DTL: variants seen among roughly 807,000 people sequenced by gnomAD.
DTL encodes the protein denticleless E3 ubiquitin protein ligase adapter.
Under a neutral mutation model 87.0 loss-of-function variants are expected in DTL, and 46 were observed. The observed-to-expected ratio is 0.53, with a 90% CI of 0.42 to 0.68. The LOEUF (loss-of-function observed/expected upper bound fraction) is 0.68. Among genes scored for constraint, DTL ranks in the 30% least tolerant of loss-of-function variants. The pLI is 0.00. For missense variants in DTL, 737 were observed against 869.4 expected (o/e 0.85, Z 1.91); for synonymous variants, 308 against 311.2 (o/e 0.99, Z 0.11).
intron 5 of DTL, among the ~76,000 whole-genome samples, chr1:212,047,910 T>C (rs984735627): frequency 6.6e-6 from 1 of 152,218 alleles, no homozygotes. Flanking sequence ...TTCTGGACAT[T>C]ATCTCTAGCT....
intron 8 of DTL, 33 bp from the exon 9 acceptor site, chr1:212,068,191 G>T (rs1654564478): frequency 1.4e-6 from 2 of 1,453,614 alleles, no homozygotes; most frequent in African/African-American, 1.4e-5. Context: ...TTGGAAGAAG[G>T]TCTACAAAAT....
intron 3 of DTL, among the ~76,000 whole-genome samples, chr1:212,046,341 G>A (rs1298254860): frequency 2.0e-5 from 3 of 151,998 alleles, no homozygotes; most frequent in Non-Finnish European, 2.9e-5. Flanking sequence ...GGTTTGTTAC[G>A]TAGGTAAACA....
At chr1:212,054,925 C>G (rs1668120835) in intron 5 of DTL, among the ~76,000 whole-genome samples, 2 of 151,920 alleles carry the variant, frequency 1.3e-5, no homozygotes, top group South Asian at 4.2e-4. Context: ...GAGTGACATT[C>G]TGTACAACCA....
intron 10 of DTL, among the ~76,000 whole-genome samples, chr1:212,070,349 G>A (rs1558081961): frequency 6.6e-6 from 1 of 152,160 alleles, no homozygotes; most frequent in Non-Finnish European, 1.5e-5. Flanking sequence ...GCTGGCCATG[G>A]TGGCTCACAC....
intron 1 of DTL, among the ~76,000 whole-genome samples, chr1:212,042,395 A>C (rs947486531): frequency 4.6e-5 from 7 of 152,220 alleles, no homozygotes; most frequent in African/African-American, 1.7e-4. Flanking sequence ...AGGGCTAATT[A>C]AATGTTTTCT....
In DTL at chr1:212,072,084, T is replaced by C; in HGVS notation, c.923-17T>C. On this transcript the variant is annotated splice_polypyrimidine_tract_variant and intron_variant, in intron 10 of 14. Coordinates refer to ENST00000366991, the MANE Select transcript of DTL (RefSeq NM_016448.4). Reference sequence around the variant, plus strand: ...AAATAACAAGAGCCAAGTAATTTGGTTTTTTTCCTCTGGCAGTGGCTATTT... The same window carrying C: ...AAATAACAAGAGCCAAGTAATTTGGCTTTTTTCCTCTGGCAGTGGCTATTT... 1 of 1,602,990 alleles carries C rather than the reference T, an allele frequency of 6.2e-7. No homozygotes were observed. Among genetic ancestry groups the C allele is most frequent in the South Asian group, 1.1e-5 (1 of 90,778 alleles).
intron 6 of DTL, among the ~76,000 whole-genome samples, chr1:212,064,054 A>G (rs1360323756): frequency 1.3e-5 from 2 of 151,724 alleles, no homozygotes; most frequent in Non-Finnish European, 2.9e-5. Context: ...CACCACTCCC[A>G]GCTAGTTATG....
intron 2 of DTL, 110 bp downstream of exon 2, chr1:212,043,228 T>C (rs1000175893): frequency 4.6e-5 from 53 of 1,152,838 alleles, no homozygotes; most frequent in South Asian, 1.3e-4. Context: ...ATTAGGTGGA[T>C]GTTAGAGTTT....
intron 1 of DTL, among the ~76,000 whole-genome samples, chr1:212,041,725 T>A (rs548147081): frequency 6.6e-5 from 10 of 152,254 alleles, no homozygotes; most frequent in Non-Finnish European, 1.0e-4. Context: ...TTAGCCAGGA[T>A]GGTCTCGATC....
Position 212,104,796 on chromosome 1 carries a change from G to A in DTL, c.*1856G>A, listed in dbSNP as rs909027002. On this transcript the variant is annotated 3_prime_UTR_variant, in exon 15 of 15. Coordinates refer to ENST00000366991, the MANE Select transcript of DTL (RefSeq NM_016448.4). ...TAATGAGATAATTATCCCTGCCTGT[G>A]TCCATGTCAGACTTTGAGCTGATCC... 6 of 152,232 alleles carry A rather than the reference G, an allele frequency of 3.9e-5. No individual in the cohort carries two copies. Among genetic ancestry groups the A allele is most frequent in the African/African-American group, 1.4e-4 (6 of 41,536 alleles). 9.4% of individuals were successfully genotyped at this position (152,232 alleles called of 1,614,324 possible).
intron 5 of DTL, among the ~76,000 whole-genome samples, chr1:212,061,485 CA>C (rs1654304932): frequency 1.8e-5 from 2 of 110,260 alleles, no homozygotes; most frequent in Admixed American, 2.2e-4. Flanking sequence ...CTATGGAAAA[CA>C]GTAAGATTTC....
chr1:212,090,000 C>T (rs889054509), intron 13 of DTL, among the ~76,000 whole-genome samples: 2 of 152,140 alleles, frequency 1.3e-5, no homozygotes, highest in Non-Finnish European at 2.9e-5. Flanking sequence ...TATTAACCTG[C>T]ACCGAGGAGT....
intron 1 of DTL, 115 bp downstream of exon 1, chr1:212,036,057 A>G (rs1264134182): frequency 3.7e-5 from 36 of 971,274 alleles, no homozygotes; most frequent in African/African-American, 6.5e-5. Flanking sequence ...GAGTTCTCCC[A>G]TGGCAAGGGT....
At chr1:212,092,261 G>T (rs558260924) in intron 13 of DTL, among the ~76,000 whole-genome samples, 1 of 152,156 alleles carries the variant, frequency 6.6e-6, no homozygotes, top group African/African-American at 2.4e-5. Context: ...CAGGCCAGGC[G>T]CAGTGGCTCA....
At chr1:212,052,105 T>C in intron 5 of DTL, 1 of 709,946 alleles carries the variant, frequency 1.4e-6, no homozygotes, top group Non-Finnish European at 2.5e-6. Flanking sequence ...CTAAAGTTGT[T>C]CCACTATCAT....
chr1:212,043,022 C>T lies in DTL; in HGVS notation c.82C>T (p.Leu28Phe), dbSNP rs2102526257. 6.2e-7 allele frequency: 1 copy of T among 1,612,590 alleles called. No homozygotes were observed. Among genetic ancestry groups the T allele is most frequent in the East Asian group, 2.2e-5 (1 of 44,712 alleles). ...GTCTTCACAATACCCTCTTCAATCC[C>T]TTCTGACTGGTTATCAGTGCAGTGG... ...GWSSQYPLQSLLTGYQCSGND... is the reference protein window; with the variant it reads ...GWSSQYPLQSFLTGYQCSGND... The change falls in exon 2 of 15, where the codon CTT becomes TTT. Residue 28 changes from leucine to phenylalanine, a missense_variant. Coordinates refer to ENST00000366991, the MANE Select transcript of DTL (RefSeq NM_016448.4).
At chr1:212,059,642 A>G (rs1041147082) in intron 5 of DTL, among the ~76,000 whole-genome samples, 1 of 152,124 alleles carries the variant, frequency 6.6e-6, no homozygotes, top group Non-Finnish European at 1.5e-5. Context: ...CACCACTCCT[A>G]TTCAACATGG....
At chr1:212,077,919 G>C (rs1040595754) in intron 11 of DTL, among the ~76,000 whole-genome samples, 7 of 152,104 alleles carry the variant, frequency 4.6e-5, no homozygotes, top group Non-Finnish European at 1.0e-4. Flanking sequence ...ATGAAATAAG[G>C]ACTATCCTTG....
intron 13 of DTL, among the ~76,000 whole-genome samples, chr1:212,090,358 T>C (rs186000138): frequency 1.7e-4 from 26 of 152,374 alleles, no homozygotes; most frequent in Admixed American, 1.1e-3. Context: ...TCTTTATTTA[T>C]GCTAAAAGAG....
Sources: allele counts gnomAD v4.1 joint callset (sites outside exome capture counted in the v4.1 genomes callset), GRCh38; gene constraint gnomAD v4.1.1; transcripts MANE v1.5; gene names NCBI Gene and HGNC (gene_info 2026-07-23, HGNC 2026-07-21).